Variants in FAM227B observed in about 807,000 individuals in gnomAD.
The protein encoded by FAM227B is protein FAM227B.
Under a neutral mutation model 73.8 loss-of-function variants are expected in FAM227B, and 88 were observed. The ratio of observed to expected loss-of-function variants is 1.19; its 90% CI spans 1.00 to 1.42. FAM227B has a LOEUF of 1.42. Ranked by LOEUF, FAM227B falls within the 40% of genes most tolerant of loss-of-function variation. The pLI is 0.00. For missense variants in FAM227B, 632 were observed against 590.9 expected (o/e 1.07, Z -0.72); for synonymous variants, 210 against 190.5 (o/e 1.10, Z -0.84).
rs756074006 is a variant in FAM227B at position 49,508,228 on chromosome 15, T to G, written c.995A>C (p.Gln332Pro). 1 of 1,610,558 alleles carries G rather than the reference T, an allele frequency of 6.2e-7. No homozygotes were observed. Reference protein sequence around the residue: ...KSVKERIADSQEHISTSIDFN... With the variant: ...KSVKERIADSPEHISTSIDFN... ...TTACTTACTAGTTGATATATGTTCTTGACTGTCTGCAATTCTTTCCTTTAC... is the reference window on the plus strand; with the variant it reads ...TTACTTACTAGTTGATATATGTTCTGGACTGTCTGCAATTCTTTCCTTTAC... The change falls in exon 11 of 16, where the codon CAA becomes CCA. Residue 332 changes from glutamine to proline, a missense_variant. Coordinates refer to ENST00000299338, the MANE Select transcript of FAM227B (RefSeq NM_152647.3).
rs367795918 is a variant in FAM227B, at chr15:49,331,668, C to T, written c.1419+112G>A. On this transcript the variant is annotated intron_variant, in intron 15 of 15. Transcript: ENST00000299338. ...ATTAAGTAACAAGAATGTATCCTCT[C>T]CTGCCACTGTAATTTGGGTGTGCCA... 4 of 686,998 alleles carry T rather than the reference C, an allele frequency of 5.8e-6. No homozygotes were observed. In the South Asian group the frequency reaches 6.9e-5, roughly 12 times the overall value. 42.6% of individuals were successfully genotyped at this position (686,998 alleles called of 1,614,324 possible).
intron 4 of FAM227B, among the ~76,000 whole-genome samples, chr15:49,588,786 T>G (rs1390043289): frequency 6.6e-6 from 1 of 150,674 alleles, no homozygotes; most frequent in Admixed American, 6.6e-5. Flanking sequence ...AAGCTATACA[T>G]AACTTTTATA....
chr15:49,452,085 A>C (rs2052805951), intron 11 of FAM227B, among the ~76,000 whole-genome samples: 1 of 151,928 alleles, frequency 6.6e-6, no homozygotes, highest in Non-Finnish European at 1.5e-5. Flanking sequence ...TCTGTTGCCC[A>C]GGCTGGAGTG....
chr15:49,373,236 T>C (rs536372353), intron 11 of FAM227B, among the ~76,000 whole-genome samples: 5 of 152,102 alleles, frequency 3.3e-5, no homozygotes, highest in South Asian at 2.1e-4. Flanking sequence ...TAACAGATAG[T>C]AGTATACATT....
intron 13 of FAM227B, among the ~76,000 whole-genome samples, chr15:49,361,265 G>A (rs2151404560): frequency 6.6e-6 from 1 of 151,832 alleles, no homozygotes; most frequent in South Asian, 2.1e-4. Flanking sequence ...TTTTATTTTA[G>A]GTTCAGGGGT....
At chr15:49,593,255 C>T (rs1055840067) in intron 3 of FAM227B, among the ~76,000 whole-genome samples, 5 of 152,088 alleles carry the variant, frequency 3.3e-5, no homozygotes, top group Non-Finnish European at 5.9e-5. Flanking sequence ...AGAAATCACC[C>T]GTCTTCTGCA....
At chr15:49,560,212 C>T (rs1271892246) in intron 9 of FAM227B, among the ~76,000 whole-genome samples, 1 of 151,904 alleles carries the variant, frequency 6.6e-6, no homozygotes, top group Non-Finnish European at 1.5e-5. Flanking sequence ...AAAAACTCAC[C>T]AAAGAAATTT....
At chr15:49,526,788 A>C (rs1363353508) in intron 10 of FAM227B, among the ~76,000 whole-genome samples, 1 of 152,070 alleles carries the variant, frequency 6.6e-6, no homozygotes. Context: ...ACAAACTAGA[A>C]AACCTAGAAG....
intron 11 of FAM227B, among the ~76,000 whole-genome samples, chr15:49,422,118 C>CAGAGAGAGAG (rs1432810961): frequency 1.3e-5 from 1 of 79,096 alleles, no homozygotes; most frequent in African/African-American, 7.5e-5. Flanking sequence ...GTGCATTTCA[C>CAGAGAGAGAG]ATAGAGAGAG....
intron 11 of FAM227B, among the ~76,000 whole-genome samples, chr15:49,456,229 G>T (rs2053272284): frequency 6.6e-6 from 1 of 151,894 alleles, no homozygotes; most frequent in African/African-American, 2.4e-5. Flanking sequence ...ATTTCCCTCT[G>T]AGACTTGAAT....
chr15:49,398,224 A>G (rs2047850448), intron 11 of FAM227B, among the ~76,000 whole-genome samples: 1 of 152,134 alleles, frequency 6.6e-6, no homozygotes, highest in Non-Finnish European at 1.5e-5. Context: ...CAGACTTTAA[A>G]CCAACAAAGA....
chr15:49,420,293 T>C (rs2049510023), intron 11 of FAM227B, among the ~76,000 whole-genome samples: 2 of 152,180 alleles, frequency 1.3e-5, no homozygotes, highest in Admixed American at 1.3e-4. Flanking sequence ...AATAGGAGGC[T>C]GCTCAAATAC....
chr15:49,446,107 G>T (rs1272208041), intron 11 of FAM227B, among the ~76,000 whole-genome samples: 1 of 151,512 alleles, frequency 6.6e-6, no homozygotes, highest in African/African-American at 2.4e-5. Context: ...TTTAAGTAAA[G>T]ATGAAGTAAT....
intron 5 of FAM227B, among the ~76,000 whole-genome samples, chr15:49,579,758 A>G (rs1201951599): frequency 6.6e-6 from 1 of 152,202 alleles, no homozygotes; most frequent in East Asian, 1.9e-4. Flanking sequence ...AGTTAGCAAC[A>G]ATGTATTGTA....
intron 11 of FAM227B, among the ~76,000 whole-genome samples, chr15:49,449,352 A>G (rs2052513213): frequency 6.6e-6 from 1 of 152,098 alleles, no homozygotes; most frequent in Admixed American, 6.6e-5. Flanking sequence ...CCTCTATAGG[A>G]CAGTGATTTT....
intron 11 of FAM227B, among the ~76,000 whole-genome samples, chr15:49,372,519 C>G (rs2045912754): frequency 6.6e-6 from 1 of 152,116 alleles, no homozygotes; most frequent in Non-Finnish European, 1.5e-5. Flanking sequence ...CTGTCAGAGT[C>G]CTGTTTTTCC....
intron 9 of FAM227B, among the ~76,000 whole-genome samples, chr15:49,547,980 A>C (rs879423010): frequency 6.6e-6 from 1 of 152,256 alleles, no homozygotes; most frequent in Admixed American, 6.5e-5. Flanking sequence ...TGGACTTAAC[A>C]GATATTTACA....
At chr15:49,419,901 T>C (rs1370330436) in intron 11 of FAM227B, among the ~76,000 whole-genome samples, 2 of 152,204 alleles carry the variant, frequency 1.3e-5, no homozygotes, top group Non-Finnish European at 2.9e-5. Flanking sequence ...TTATAGATAC[T>C]CATGGCACTA....
intron 11 of FAM227B, among the ~76,000 whole-genome samples, chr15:49,457,306 T>A (rs2053397299): frequency 1.3e-5 from 2 of 151,940 alleles, no homozygotes; most frequent in South Asian, 2.1e-4. Context: ...TGGAAAAAAA[T>A]CAAATCAGCG....
Sources: gnomAD v4.1 joint callset for allele counts (sites outside exome capture counted in the v4.1 genomes callset) on GRCh38, gnomAD v4.1.1 for gene constraint, MANE v1.5 for transcripts, NCBI Gene and HGNC (gene_info 2026-07-23, HGNC 2026-07-21) for gene names.